The following FKBP8 variants were observed in gnomAD, a reference collection of about 807,000 sequenced individuals.
The protein encoded by FKBP8 is FKBP prolyl isomerase 8.
FKBP8 carries 5 observed loss-of-function variants against 41.7 expected under a neutral mutation model. That is an observed-to-expected ratio of 0.12 (90% CI 0.06 to 0.25). The LOEUF is 0.25. Ranked by LOEUF, FKBP8 falls within the 10% of genes least tolerant of loss-of-function variation. The pLI, the probability that FKBP8 is intolerant of heterozygous loss-of-function variation, is 1.00. For missense variants in FKBP8, 397 were observed against 563.0 expected, an observed-to-expected ratio of 0.71 and a Z score of 2.98; for synonymous variants, 279 against 254.5, an observed-to-expected ratio of 1.10 and a Z score of -0.92.
chr19:18,539,373 G>C lies in FKBP8; in HGVS notation c.549C>G (p.Gly183=). The C allele has an allele frequency of 6.2e-7, 1 of 1,612,296 alleles. No homozygotes were observed. The change falls in exon 4 of 9, where the codon GGC becomes GGG. Residue 183 remains glycine, a splice_region_variant and synonymous_variant. Coordinates refer to ENST00000608443, the MANE Select transcript of FKBP8 (RefSeq NM_012181.5). ...ADSKYCYGPQ[G]SRSPYIPPHA... Reference sequence around the variant, plus strand: ...ACCTAAGGGTGGCTGACTCTCACCTGCCTTGGGGGCCGTAGCAGTACTTGG... The same window carrying C: ...ACCTAAGGGTGGCTGACTCTCACCTCCCTTGGGGGCCGTAGCAGTACTTGG...
chr19:18,537,502 G>C lies in FKBP8; in HGVS notation c.945+99C>G. 2.5e-6 allele frequency: 3 copies of C among 1,180,380 alleles called. No homozygotes were observed. The highest frequency in any genetic ancestry group is 3.4e-6 in the Non-Finnish European group (3 of 874,828). The allele number at this position is 1,180,380 out of a possible 1,614,324, so 73.1% of individuals were successfully genotyped here. A position where few individuals can be genotyped will look rare whatever the true frequency, so the allele number is the denominator to read the frequency against. On this transcript the variant is annotated intron_variant, in intron 6 of 8. Coordinates refer to ENST00000608443, the MANE Select transcript of FKBP8 (RefSeq NM_012181.5). This position sits in a 1 kb window ranked among gnomAD's most constrained non-coding sequence, Gnocchi z 4.4. ...CTCCACCTGCACCCCACAGAGCTCA[G>C]CTGGCTTATATACCTATGCCTTTCT...
At chr19:18,542,948 AT>A in intron 1 of FKBP8, 2 of 325,638 alleles carry the variant, frequency 6.1e-6, no homozygotes, top group Non-Finnish European at 8.1e-6. Flanking sequence ...CCCCACCCCC[AT>A]AATTCCCCGC....
chr19:18,532,261 G>A lies in FKBP8; in HGVS notation c.1156-6C>T. On this transcript the variant is annotated splice_polypyrimidine_tract_variant and splice_region_variant and intron_variant, in intron 8 of 8. Transcript: ENST00000608443. ...AGCCACTTCCATGGGATGGACTGTGGATAAAAAGGAGGGGAGAGAAGGGTG... is the reference window on the plus strand; with the variant it reads ...AGCCACTTCCATGGGATGGACTGTGAATAAAAAGGAGGGGAGAGAAGGGTG... 1.3e-6 allele frequency: 2 copies of A among 1,599,130 alleles called. No homozygotes were observed. Among genetic ancestry groups the A allele is most frequent in the East Asian group, 2.3e-5 (1 of 44,416 alleles).
rs1445027557 is a variant in FKBP8 at position 18,532,084 on chromosome 19, G to C, written c.*85C>G. 3 of 1,201,202 alleles carry C rather than the reference G, an allele frequency of 2.5e-6. No individual in the cohort carries two copies. The highest frequency in any genetic ancestry group is 3.6e-6 in the Non-Finnish European group (3 of 830,740). The allele number at this position is 1,201,202 out of a possible 1,614,324, so 74.4% of individuals were successfully genotyped here. ...CCGGAGGAGGGGGCCAGACCAGGGA[G>C]GGCAGTGGACAGGGAGCCTGGGGGA... On this transcript the variant is annotated 3_prime_UTR_variant, in exon 9 of 9. Transcript: ENST00000608443.
intron 6 of FKBP8, among the ~76,000 whole-genome samples, chr19:18,536,882 G>A (rs1294802398): frequency 2.6e-5 from 4 of 152,244 alleles, no homozygotes; most frequent in Non-Finnish European, 5.9e-5. Flanking sequence ...ACAGCAGAAA[G>A]GGAGAATGCC....
In FKBP8 at chr19:18,537,565, C is replaced by T. The variant is rs749567913; in HGVS notation, c.945+36G>A. 6.5e-7 allele frequency: 1 copy of T among 1,549,716 alleles called. No homozygotes were observed. The highest frequency in any genetic ancestry group is 8.7e-7 in the Non-Finnish European group (1 of 1,146,320). ...TGGGGACCACCCCGTATACCCCAGG[C>T]TGAGTGACCCGGCCTGGCACCCCGG... On this transcript the variant is annotated intron_variant, in intron 6 of 8. Coordinates refer to ENST00000608443, the MANE Select transcript of FKBP8 (RefSeq NM_012181.5). The surrounding 1 kb of genome is among the most constrained non-coding windows in gnomAD (Gnocchi z 4.4).
chr19:18,532,128 G>A lies in FKBP8; in HGVS notation c.*41C>T, dbSNP rs775030656. 6.6e-7 allele frequency: 1 copy of A among 1,517,478 alleles called. No individual in the cohort carries two copies. The highest frequency in any genetic ancestry group is 9.0e-7 in the Non-Finnish European group (1 of 1,113,192). The allele number at this position is 1,517,478 out of a possible 1,614,324, so 94.0% of individuals were successfully genotyped here. A position where few individuals can be genotyped will look rare whatever the true frequency, so the allele number is the denominator to read the frequency against. ...TGGGGGAGTTGGGGAGCGCAGGGCA[G>A]GGTCCATGGTGTGCAGAGGGGGTGG... is the stretch of plus-strand genomic sequence containing the variant. On this transcript the variant is annotated 3_prime_UTR_variant, in exon 9 of 9. Transcript: ENST00000608443.
rs761214385 is a variant in FKBP8 at position 18,541,707 on chromosome 19, C to T, written c.264G>A (p.Pro88=). The change falls in exon 2 of 9, where the codon CCG becomes CCA. Residue 88 remains proline (P), a synonymous_variant. Transcript: ENST00000608443. ...GAATGTCCAGCCACTCTTCTGGGGC[C>T]GGGGCTGGGGCGGGCTCGGGCTCCA... ...AAMEPEPAPA[P]APEEWLDILG... 2.7e-5 allele frequency: 43 copies of T among 1,611,314 alleles called. 1 individual carries two copies. The highest frequency in any genetic ancestry group is 1.6e-4 in the East Asian group (7 of 44,842).
rs1976713317 is a variant in FKBP8 at position 18,541,982 on chromosome 19, G to A, written c.-12C>T. 4 of 1,610,404 alleles carry A rather than the reference G, an allele frequency of 2.5e-6. No homozygotes were observed. The highest frequency in any genetic ancestry group is 4.5e-5 in the East Asian group (2 of 44,792). On this transcript the variant is annotated 5_prime_UTR_variant, in exon 2 of 9. Transcript: ENST00000608443. Reference sequence around the variant, plus strand: ...GCACACGATGCCATGCTGCTGGGGGGACAGGAATTGGCCCTGGAAGTGGGG... The same window carrying A: ...GCACACGATGCCATGCTGCTGGGGGAACAGGAATTGGCCCTGGAAGTGGGG...
In FKBP8 at chr19:18,537,481, A is replaced by G. The variant is rs1976605434; in HGVS notation, c.945+120T>C. The G allele has an allele frequency of 2.1e-6, 2 of 940,286 alleles. No homozygotes were observed. The highest frequency in any genetic ancestry group is 3.0e-6 in the Non-Finnish European group (2 of 668,066). The allele number at this position is 940,286 out of a possible 1,614,324, so 58.2% of individuals were successfully genotyped here. A position where few individuals can be genotyped will look rare whatever the true frequency, so the allele number is the denominator to read the frequency against. On this transcript the variant is annotated intron_variant, in intron 6 of 8. Transcript: ENST00000608443. This position sits in a 1 kb window ranked among gnomAD's most constrained non-coding sequence, Gnocchi z 4.4. ...CACCCGTCTGGGCCTCAGTTTCTCC[A>G]CCTGCACCCCACAGAGCTCAGCTGG...
intron 6 of FKBP8, 152 bp from the exon 7 acceptor site, chr19:18,533,499 A>G: frequency 2.0e-6 from 1 of 493,268 alleles, no homozygotes; most frequent in Non-Finnish European, 3.5e-6. Context: ...AATAAAATAA[A>G]ATAAAAACAG....
rs1976649199 is a variant in FKBP8, at chr19:18,539,362, G to T, written c.551+9C>A. ...GACCTGCAGAGACCTAAGGGTGGCTGACTCTCACCTGCCTTGGGGGCCGTA... is the reference window on the plus strand; with the variant it reads ...GACCTGCAGAGACCTAAGGGTGGCTTACTCTCACCTGCCTTGGGGGCCGTA... On this transcript the variant is annotated intron_variant, in intron 4 of 8. Coordinates refer to ENST00000608443, the MANE Select transcript of FKBP8 (RefSeq NM_012181.5). The T allele has an allele frequency of 6.2e-7, 1 of 1,609,958 alleles. No individual in the cohort carries two copies. The highest frequency in any genetic ancestry group is 8.5e-7 in the Non-Finnish European group (1 of 1,178,188).
At chr19:18,535,421 G>A (rs1452068089) in intron 6 of FKBP8, among the ~76,000 whole-genome samples, 1 of 152,080 alleles carries the variant, frequency 6.6e-6, no homozygotes, top group Non-Finnish European at 1.5e-5. Flanking sequence ...TGACCCAAAT[G>A]AGTCAATGAG....
In FKBP8 at chr19:18,538,452, C is replaced by T. The variant is rs751454061; in HGVS notation, c.552-16G>A. 3.1e-6 allele frequency: 5 copies of T among 1,604,094 alleles called. No individual in the cohort carries two copies. In the African/African-American group the frequency reaches 5.3e-5, roughly 17 times the overall value. The stretch of plus-strand genomic sequence containing the variant: ...TGGGCTCCTGCTAGTTGGGTGGGAG[C>T]AGGCAGGGGCAGCACTCAGACCTGG... On this transcript the variant is annotated splice_polypyrimidine_tract_variant and intron_variant, in intron 4 of 8. Coordinates refer to ENST00000608443, the MANE Select transcript of FKBP8 (RefSeq NM_012181.5). This position sits in a 1 kb window ranked among gnomAD's most constrained non-coding sequence, Gnocchi z 4.0.
chr19:18,541,568 T>G (rs1976699433), intron 2 of FKBP8, 111 bp downstream of exon 2: 13 of 1,468,652 alleles, frequency 8.9e-6, no homozygotes, highest in Non-Finnish European at 1.0e-5. Context: ...TGGCTGGTGA[T>G]CACGGTGGTG....
chr19:18,541,854 CTCTTCCTCCTCA>C lies in FKBP8; in HGVS notation c.105_116del (p.Glu43_Glu46del), dbSNP rs747615730. 24 of 1,613,366 alleles carry C rather than the reference CTCTTCCTCCTCA, an allele frequency of 1.5e-5. No individual in the cohort carries two copies. The highest frequency in any genetic ancestry group is 1.9e-5 in the Non-Finnish European group (22 of 1,179,742). On this transcript the variant is annotated inframe_deletion, in exon 2 of 9. Coordinates refer to ENST00000608443, the MANE Select transcript of FKBP8 (RefSeq NM_012181.5). Reference sequence around the variant, plus strand: ...CATCCTCTTCCTCCTCTTCCTCCTCCTCTTCCTCCTCACCCTCTGCATCCTCAACCCCATCCA... The same window carrying C: ...CATCCTCTTCCTCCTCTTCCTCCTCCCCCTCTGCATCCTCAACCCCATCCA...
chr19:18,539,442 G>C lies in FKBP8; in HGVS notation c.480C>G (p.Val160=). 6.2e-6 allele frequency: 10 copies of C among 1,613,814 alleles called. No individual in the cohort carries two copies. The highest frequency in any genetic ancestry group is 8.5e-6 in the Non-Finnish European group (10 of 1,179,984). Reference sequence around the variant, plus strand: ...CCGTCTCCCCCACGTCCATGAGTGGGACACTGAGATCCAGGGCCTGGGGTG... The same window carrying C: ...CCGTCTCCCCCACGTCCATGAGTGGCACACTGAGATCCAGGGCCTGGGGTG... ...CDVIQALDLS[V]PLMDVGETAM... The change falls in exon 4 of 9, where the codon GTC becomes GTG. Residue 160 remains valine, a synonymous_variant. Transcript: ENST00000608443.
Position 18,537,843 on chromosome 19 carries a change from G to T in FKBP8, c.773-70C>A. 1 of 1,490,268 alleles carries T rather than the reference G, an allele frequency of 6.7e-7. No homozygotes were observed. The allele number at this position is 1,490,268 out of a possible 1,614,324, so 92.3% of individuals were successfully genotyped here. On this transcript the variant is annotated intron_variant, in intron 5 of 8. Coordinates refer to ENST00000608443, the MANE Select transcript of FKBP8 (RefSeq NM_012181.5). The surrounding 1 kb of genome is among the most constrained non-coding windows in gnomAD (Gnocchi z 4.4). ...CAGACACCCCGGCACCCACCCCTCT[G>T]CGGAGGCTGCCTCTCTGGCCTCAGT...
intron 1 of FKBP8, chr19:18,542,330 G>C (rs1380357871): frequency 1.7e-5 from 4 of 236,744 alleles, no homozygotes; most frequent in Non-Finnish European, 3.3e-5. Context: ...ATTTGCCCAA[G>C]GTCACAGAGA....
Sources: allele counts gnomAD v4.1 joint callset (sites outside exome capture counted in the v4.1 genomes callset), GRCh38; gene constraint gnomAD v4.1.1; non-coding constraint Gnocchi (gnomAD v3.1); transcripts MANE v1.5; gene names NCBI Gene and HGNC (gene_info 2026-07-23, HGNC 2026-07-21).